Variants in PDSS2 observed in about 807,000 individuals in gnomAD.
PDSS2 encodes the protein decaprenyl diphosphate synthase subunit 2.
In PDSS2, 31 loss-of-function variants were observed where a neutral mutation model predicts 44.5. The observed-to-expected ratio is 0.70, with a 90% CI of 0.52 to 0.94. PDSS2 has a LOEUF of 0.94. Ranked by LOEUF, PDSS2 falls within the 40% of genes least tolerant of loss-of-function variation. The pLI is 0.00. For missense variants in PDSS2, 452 were observed against 482.2 expected, an observed-to-expected ratio of 0.94 and a Z score of 0.59; for synonymous variants, 157 against 180.3, an observed-to-expected ratio of 0.87 and a Z score of 1.03.
In PDSS2 at chr6:107,245,610, G is replaced by T; in HGVS notation, c.640C>A (p.Leu214Ile). 6.3e-7 allele frequency: 1 copy of T among 1,580,292 alleles called. No individual in the cohort carries two copies. The highest frequency in any genetic ancestry group is 8.7e-7 in the Non-Finnish European group (1 of 1,155,638). ...ALLQNTKVVELLASALMDLVQ... is the reference protein window; with the variant it reads ...ALLQNTKVVEILASALMDLVQ... ...AAGTCCATAAGAGCACTTGCTAAAA[G>T]TTCCACAACCTAAAAAGCAAGAAGA... The change falls in exon 4 of 8, where the codon CTT becomes ATT. Residue 214 changes from leucine (L) to isoleucine (I), a missense_variant. Transcript: ENST00000369037.
chr6:107,286,376 G>A (rs1776152023), intron 2 of PDSS2, among the ~76,000 whole-genome samples: 1 of 151,682 alleles, frequency 6.6e-6, no homozygotes, highest in Non-Finnish European at 1.5e-5. Flanking sequence ...TGATTGTGGT[G>A]GCGGGTGCCT....
chr6:107,232,582 A>C (rs2114741158), intron 4 of PDSS2, among the ~76,000 whole-genome samples: 1 of 152,276 alleles, frequency 6.6e-6, no homozygotes, highest in East Asian at 1.9e-4. Context: ...CTCCCTATTT[A>C]GTTCTCTCCT....
chr6:107,160,231 C>A (rs1180095692), intron 7 of PDSS2, among the ~76,000 whole-genome samples: 1 of 151,812 alleles, frequency 6.6e-6, no homozygotes, highest in Non-Finnish European at 1.5e-5. Context: ...ACAAACAAAA[C>A]AAAAACAAAA....
chr6:107,378,228 T>C (rs1779349088), intron 1 of PDSS2, among the ~76,000 whole-genome samples: 1 of 149,972 alleles, frequency 6.7e-6, no homozygotes, highest in African/African-American at 2.5e-5. Flanking sequence ...AAACATCCAC[T>C]CACACCACCA....
chr6:107,254,849 A>T (rs186982315), intron 3 of PDSS2, among the ~76,000 whole-genome samples: 1 of 151,290 alleles, frequency 6.6e-6, no homozygotes, highest in Non-Finnish European at 1.5e-5. Flanking sequence ...GTATAAATAC[A>T]TGTGCATATA....
At chr6:107,394,023 C>T (rs1341525894) in intron 1 of PDSS2, among the ~76,000 whole-genome samples, 1 of 152,102 alleles carries the variant, frequency 6.6e-6, no homozygotes. Context: ...TGCTTTTTAT[C>T]TGGAAGATTT....
At chr6:107,225,123 CTATATATATATTTTTATATATATATA>C (rs1562388891) in intron 4 of PDSS2, among the ~76,000 whole-genome samples, 15 of 79,222 alleles carry the variant, frequency 1.9e-4, no homozygotes, top group South Asian at 4.4e-4. Context: ...GGAAGCTTCA[CTATATATATATTTTTATATATATATA>C]TATATATATA....
chr6:107,215,015 C>A (rs1773364474), intron 4 of PDSS2, among the ~76,000 whole-genome samples: 1 of 152,004 alleles, frequency 6.6e-6, no homozygotes, highest in Admixed American at 6.6e-5. Flanking sequence ...GACAGAAAAG[C>A]CACACAGGAG....
intron 2 of PDSS2, among the ~76,000 whole-genome samples, chr6:107,323,619 T>C (rs1181896870): frequency 6.6e-6 from 1 of 152,194 alleles, no homozygotes; most frequent in African/African-American, 2.4e-5. Context: ...ATGCCTTCCG[T>C]ATGAGTTCAA....
chr6:107,285,017 A>C (rs1008452755), intron 2 of PDSS2, among the ~76,000 whole-genome samples: 1 of 152,246 alleles, frequency 6.6e-6, no homozygotes, highest in Non-Finnish European at 1.5e-5. Context: ...CCAAGTTCAC[A>C]CAGCTAGTTA....
intron 1 of PDSS2, among the ~76,000 whole-genome samples, chr6:107,361,391 C>T (rs1411311486): frequency 3.3e-5 from 5 of 152,186 alleles, no homozygotes; most frequent in Admixed American, 1.3e-4. Context: ...TAACAGGCAA[C>T]GTGCTGCCAC....
intron 4 of PDSS2, among the ~76,000 whole-genome samples, chr6:107,218,038 G>T (rs149141412): frequency 6.6e-6 from 1 of 152,120 alleles, no homozygotes; most frequent in South Asian, 2.1e-4. Context: ...TTACTAGTGC[G>T]GATGAACTCT....
rs142303689 is a variant in PDSS2 at position 107,267,504 on chromosome 6, C to T, written c.630+6525G>A. 6.6e-3 allele frequency among the ~76,000 whole-genome samples: 1,007 copies of T among 151,758 alleles called. 7 individuals carry two copies. The highest frequency in any genetic ancestry group is 0.02 in the Middle Eastern group (6 of 294). On this transcript the variant is annotated intron_variant, in intron 3 of 7. Transcript: ENST00000369037. Reference sequence around the variant, plus strand: ...GTGAAGGAGAGAATTTAGTGGGACCCGTCAAAGTATACTATATGCATAAAG... The same window carrying T: ...GTGAAGGAGAGAATTTAGTGGGACCTGTCAAAGTATACTATATGCATAAAG...
chr6:107,447,029 T>C (rs1372562397), intron 1 of PDSS2, among the ~76,000 whole-genome samples: 1 of 152,034 alleles, frequency 6.6e-6, no homozygotes, highest in African/African-American at 2.4e-5. Flanking sequence ...CCCTTCTACC[T>C]ATGAGCCTAT....
intron 4 of PDSS2, among the ~76,000 whole-genome samples, chr6:107,238,981 A>G (rs908888612): frequency 1.3e-5 from 2 of 152,154 alleles, no homozygotes; most frequent in Admixed American, 6.5e-5. Flanking sequence ...AATTTAGTAA[A>G]GAAAACTGGA....
At chr6:107,364,705 G>A (rs1317498077) in intron 1 of PDSS2, among the ~76,000 whole-genome samples, 1 of 152,344 alleles carries the variant, frequency 6.6e-6, no homozygotes, top group Non-Finnish European at 1.5e-5. Flanking sequence ...GTGCAGTGGG[G>A]GGGCTGAAGG....
intron 7 of PDSS2, among the ~76,000 whole-genome samples, chr6:107,156,437 G>A (rs909543785): frequency 1.3e-5 from 2 of 151,618 alleles, no homozygotes; most frequent in Admixed American, 6.6e-5. Context: ...CTTGTGATCC[G>A]CCCACCTCGG....
At chr6:107,221,266 T>C (rs1773593370) in intron 4 of PDSS2, among the ~76,000 whole-genome samples, 2 of 133,366 alleles carry the variant, frequency 1.5e-5, no homozygotes, top group South Asian at 4.9e-4. Flanking sequence ...GGCGTGAACC[T>C]GGGAGGCGGA....
At chr6:107,450,676 T>A (rs1163551221) in intron 1 of PDSS2, among the ~76,000 whole-genome samples, 1 of 152,220 alleles carries the variant, frequency 6.6e-6, no homozygotes, top group African/African-American at 2.4e-5. Flanking sequence ...TTTCAACCTA[T>A]AATTCTATAG....
Sources: allele counts gnomAD v4.1 joint callset (sites outside exome capture counted in the v4.1 genomes callset), GRCh38; gene constraint gnomAD v4.1.1; transcripts MANE v1.5; gene names NCBI Gene and HGNC (gene_info 2026-07-23, HGNC 2026-07-21).